Variants in TMEM117 observed in about 807,000 individuals in gnomAD.
TMEM117 encodes transmembrane protein 117.
TMEM117 carries 27 observed loss-of-function variants against 52.4 expected under a neutral mutation model. That is an observed-to-expected ratio of 0.51 (90% CI 0.38 to 0.71). The LOEUF (loss-of-function observed/expected upper bound fraction) is 0.71. Ranked by LOEUF, TMEM117 falls within the 30% of genes least tolerant of loss-of-function variation. The pLI, the probability that TMEM117 is intolerant of heterozygous loss-of-function variation, is 0.00. For missense variants in TMEM117, 556 were observed against 630.5 expected (o/e 0.88, Z 1.26); for synonymous variants, 215 against 206.3 (o/e 1.04, Z -0.36).
At chr12:44,265,339 A>G (rs1950365211) in intron 5 of TMEM117, among the ~76,000 whole-genome samples, 1 of 152,102 alleles carries the variant, frequency 6.6e-6, no homozygotes, top group East Asian at 1.9e-4. Context: ...GGGTATTCGG[A>G]TTTCATTCTA....
chr12:43,904,661 G>A (rs1159956878), intron 2 of TMEM117, among the ~76,000 whole-genome samples: 1 of 151,930 alleles, frequency 6.6e-6, no homozygotes, highest in Non-Finnish European at 1.5e-5. Context: ...TATCACTCCC[G>A]GGTTGGTGCC....
chr12:44,102,165 T>A (rs1195126996), intron 3 of TMEM117, among the ~76,000 whole-genome samples: 3 of 151,948 alleles, frequency 2.0e-5, no homozygotes, highest in Non-Finnish European at 4.4e-5. Flanking sequence ...AAAAATTATT[T>A]CCTAGAGGAC....
intron 3 of TMEM117, among the ~76,000 whole-genome samples, chr12:44,055,742 T>C (rs1020383078): frequency 1.3e-5 from 2 of 152,200 alleles, no homozygotes; most frequent in African/African-American, 2.4e-5. Flanking sequence ...ACTATACAGA[T>C]GTATTGTGAA....
At chr12:43,875,654 G>A (rs897228726) in intron 2 of TMEM117, among the ~76,000 whole-genome samples, 1 of 152,050 alleles carries the variant, frequency 6.6e-6, no homozygotes, top group Non-Finnish European at 1.5e-5. Flanking sequence ...TTATCTAGCT[G>A]CCTAAAATTC....
chr12:43,850,177 G>T (rs148440739), intron 2 of TMEM117, among the ~76,000 whole-genome samples: 1 of 152,228 alleles, frequency 6.6e-6, no homozygotes, highest in African/African-American at 2.4e-5. Context: ...ATGGATCCTT[G>T]CCCTGTTATC....
intron 3 of TMEM117, among the ~76,000 whole-genome samples, chr12:44,138,376 A>G (rs766288916): frequency 7.9e-5 from 12 of 152,112 alleles, no homozygotes; most frequent in Non-Finnish European, 1.5e-4. Context: ...ACTAATGTTG[A>G]GAGTAAAGGA....
intron 3 of TMEM117, among the ~76,000 whole-genome samples, chr12:43,961,655 T>G (rs1012612453): frequency 6.6e-6 from 1 of 152,200 alleles, no homozygotes; most frequent in African/African-American, 2.4e-5. Context: ...ATAATTCTTT[T>G]TAAAAAGAGG....
rs375701423 is a variant in TMEM117, at chr12:44,323,666, G to A, written c.768+23927G>A. Among the ~76,000 whole-genome samples, 30 of 152,184 alleles carry A rather than the reference G, an allele frequency of 2.0e-4. No individual in the cohort carries two copies. In the South Asian group the frequency reaches 5.8e-3, roughly 30 times the overall value. ...TATAGAGCACCTTTTTACATTCTAG[G>A]TAATTTCATGTGCTTTCTTTAAGTA... On this transcript the variant is annotated intron_variant, in intron 6 of 7. Coordinates refer to ENST00000266534, the MANE Select transcript of TMEM117 (RefSeq NM_032256.3).
chr12:44,257,324 A>ACT (rs987018052), intron 5 of TMEM117, among the ~76,000 whole-genome samples: 1 of 150,648 alleles, frequency 6.6e-6, no homozygotes, highest in African/African-American at 2.4e-5. Flanking sequence ...TGACACGTTG[A>ACT]CTCTCTCTCT....
At chr12:43,820,455 A>G in the TMEM117 span, among the ~76,000 whole-genome samples, 2 of 151,468 alleles carry the variant, frequency 1.3e-5, no homozygotes, top group South Asian at 4.2e-4. Context: ...TTGTATTTTT[A>G]GTAGAGACGA....
Position 43,895,158 on chromosome 12 carries a change from C to T in TMEM117, c.278-49052C>T, listed in dbSNP as rs545849501. On this transcript the variant is annotated intron_variant, in intron 2 of 7. Coordinates refer to ENST00000266534, the MANE Select transcript of TMEM117 (RefSeq NM_032256.3). Reference sequence around the variant, plus strand: ...TCTTCCTCCTCCCACTCTCCACTCTCCAAAAGACCTTAGTGTGGTGGGCTG... The same window carrying T: ...TCTTCCTCCTCCCACTCTCCACTCTTCAAAAGACCTTAGTGTGGTGGGCTG... Among the ~76,000 whole-genome samples, 239 of 152,274 alleles carry T rather than the reference C, an allele frequency of 1.6e-3. 1 individual carries two copies. The highest frequency in any genetic ancestry group is 5.6e-3 in the African/African-American group (233 of 41,558).
chr12:43,984,968 C>G (rs558875820), intron 3 of TMEM117, among the ~76,000 whole-genome samples: 1 of 151,888 alleles, frequency 6.6e-6, no homozygotes, highest in Non-Finnish European at 1.5e-5. Context: ...GAAATAAGTT[C>G]CTGTGTGATG....
chr12:44,358,459 T>G (rs1244313920), intron 6 of TMEM117, among the ~76,000 whole-genome samples: 2 of 152,148 alleles, frequency 1.3e-5, no homozygotes, highest in Non-Finnish European at 2.9e-5. Flanking sequence ...CATCAGGTAG[T>G]TGTTGGCTAT....
intron 3 of TMEM117, among the ~76,000 whole-genome samples, chr12:43,977,427 GA>G (rs1254650232): frequency 6.6e-6 from 1 of 152,156 alleles, no homozygotes; most frequent in African/African-American, 2.4e-5. Context: ...GAGGGGGTAT[GA>G]ACACAAGCAT....
chr12:44,180,449 C>G (rs1423480440), intron 4 of TMEM117, among the ~76,000 whole-genome samples: 23 of 150,926 alleles, frequency 1.5e-4, no homozygotes, highest in African/African-American at 5.4e-4. Flanking sequence ...GTGCGCTGCA[C>G]CCACTAACTC....
At chr12:43,952,867 G>A (rs760880474) in intron 3 of TMEM117, among the ~76,000 whole-genome samples, 45 of 151,766 alleles carry the variant, frequency 3.0e-4, no homozygotes, top group Non-Finnish European at 4.9e-4. Flanking sequence ...TTGAAATGAA[G>A]AAAAAAATGC....
At chr12:44,354,351 C>A (rs1020028595) in intron 6 of TMEM117, among the ~76,000 whole-genome samples, 1 of 151,890 alleles carries the variant, frequency 6.6e-6, no homozygotes, top group South Asian at 2.1e-4. Context: ...CAAAGCCTGG[C>A]AGAAACACAA....
intron 2 of TMEM117, among the ~76,000 whole-genome samples, chr12:43,887,658 C>G (rs1481630976): frequency 6.6e-6 from 1 of 152,112 alleles, no homozygotes; most frequent in Non-Finnish European, 1.5e-5. Flanking sequence ...CATCTCACTG[C>G]CAAGGCCTGG....
chr12:44,182,399 G>C (rs1949214978), intron 4 of TMEM117, among the ~76,000 whole-genome samples: 1 of 152,112 alleles, frequency 6.6e-6, no homozygotes, highest in Admixed American at 6.6e-5. Flanking sequence ...ATGTTGAATA[G>C]GAGTGGTGAG....
Sources: allele counts gnomAD v4.1 joint callset (sites outside exome capture counted in the v4.1 genomes callset), GRCh38; gene constraint gnomAD v4.1.1; transcripts MANE v1.5; gene names NCBI Gene and HGNC (gene_info 2026-07-23, HGNC 2026-07-21).